PITRM1: variants seen among roughly 807,000 people sequenced by gnomAD.
PITRM1 encodes pitrilysin metallopeptidase 1, also known as presequence protease, mitochondrial.
Under a neutral mutation model 129.9 loss-of-function variants are expected in PITRM1, and 100 were observed. That is an observed-to-expected ratio of 0.77 (90% CI 0.65 to 0.91). The LOEUF is 0.91. Among genes scored for constraint, PITRM1 ranks in the 40% least tolerant of loss-of-function variants. The pLI is 0.00. For synonymous variants in PITRM1, 591 were observed against 508.8 expected (o/e 1.16, Z -2.17); for missense variants, 1,471 against 1,318.3 (o/e 1.12, Z -1.79).
chr10:3,154,700 G>A (rs1037572905), intron 14 of PITRM1, among the ~76,000 whole-genome samples: 3 of 152,004 alleles, frequency 2.0e-5, no homozygotes, highest in East Asian at 3.9e-4. Context: ...TGAATTGTTC[G>A]TTTTTCGTAT....
At position 3,172,675 on chromosome 10, in the gene PITRM1, C is replaced by G. The variant is rs1031693426; in HGVS notation, c.56+42G>C. The G allele has an allele frequency of 1.4e-5, 21 of 1,519,704 alleles. No individual in the cohort carries two copies. The Admixed American group carries it at 4.2e-4, about 31-fold the overall frequency. The allele number at this position is 1,519,704 out of a possible 1,614,324, so 94.1% of individuals were successfully genotyped here. A position where few individuals can be genotyped will look rare whatever the true frequency, so the allele number is the denominator to read the frequency against. ...CGGCCTGCCCTGGACCCTCCCCTCC[C>G]GGGTACCAGCGCGCCGAGCGCCTCC... On this transcript the variant is annotated intron_variant, in intron 1 of 26. Coordinates refer to ENST00000224949, the MANE Select transcript of PITRM1 (RefSeq NM_014889.4).
chr10:3,166,236 G>A lies in PITRM1; in HGVS notation c.411C>T (p.Ala137=). Reference sequence around the variant, plus strand: ...TCAGGATGCTGGTCTTACCTGTGAAGGCGTTCATGAACGTGGAGAGGGACC... The same window carrying A: ...TCAGGATGCTGGTCTTACCTGTGAAAGCGTTCATGAACGTGGAGAGGGACC... ...LNRSLSTFMN[A]FTASDYTLYP... Residue 137 remains alanine (A), a synonymous_variant, in exon 4 of 27, where the codon GCC becomes GCT. Transcript: ENST00000224949. 6.2e-7 allele frequency: 1 copy of A among 1,610,392 alleles called. No individual in the cohort carries two copies. Among genetic ancestry groups the A allele is most frequent in the South Asian group, 1.1e-5 (1 of 90,600 alleles).
intron 20 of PITRM1, chr10:3,146,068 C>G: frequency 4.2e-6 from 1 of 236,482 alleles, no homozygotes; most frequent in Non-Finnish European, 8.4e-6. Context: ...TTTAAAATTA[C>G]TGTCCAGAAG....
Position 3,167,008 on chromosome 10 carries a change from A to C in PITRM1, c.194T>G (p.Val65Gly). ...TCCTGTGTCATCATGGGTGAGCTTCACTGCAGTCAGGAACAGCTCGGGAAC... is the reference window on the plus strand; with the variant it reads ...TCCTGTGTCATCATGGGTGAGCTTCCCTGCAGTCAGGAACAGCTCGGGAAC... ...TSVPELFLTAVKLTHDDTGAR... is the reference protein window; with the variant it reads ...TSVPELFLTAGKLTHDDTGAR... Residue 65 changes from valine to glycine, a missense_variant, in exon 3 of 27, where the codon GTG (valine) becomes GGG (glycine). By Grantham distance (109) the Val-to-Gly change is moderately radical (BLOSUM62 -3). Transcript: ENST00000224949. 6.2e-7 allele frequency: 1 copy of C among 1,610,288 alleles called. No individual in the cohort carries two copies. Among genetic ancestry groups the C allele is most frequent in the Non-Finnish European group, 8.5e-7 (1 of 1,178,112 alleles).
chr10:3,144,000 G>A (rs75424132), intron 22 of PITRM1: 69 of 554,694 alleles, frequency 1.2e-4, no homozygotes, highest in African/African-American at 1.1e-3. Flanking sequence ...AGTTGCCCGG[G>A]AGGAGACCAC....
chr10:3,138,460 C>T (rs886375233), intron 25 of PITRM1, 123 bp from the exon 26 acceptor site: 26 of 713,258 alleles, frequency 3.6e-5, no homozygotes, highest in Non-Finnish European at 5.9e-5. Flanking sequence ...GTTTCAACCA[C>T]AGGGATGTGT....
At chr10:3,172,105 A>G in intron 1 of PITRM1, 1 of 443,788 alleles carries the variant, frequency 2.3e-6, no homozygotes, top group South Asian at 1.6e-5. Context: ...GAAACTCCTG[A>G]GCGGTAAGGC....
intron 14 of PITRM1, among the ~76,000 whole-genome samples, chr10:3,153,421 A>G (rs540522217): frequency 1.2e-4 from 19 of 152,208 alleles, no homozygotes; most frequent in Non-Finnish European, 2.4e-4. Flanking sequence ...AAGGTTAAAA[A>G]ATAGAGCTTA....
In PITRM1 at chr10:3,157,653, G is replaced by A. The variant is rs76888822; in HGVS notation, c.1251-122C>T. 768 of 629,344 alleles carry A rather than the reference G, an allele frequency of 1.2e-3. 7 individuals are homozygous for A. The African/African-American group carries it at 0.013, about 10-fold the overall frequency. 39.0% of individuals were successfully genotyped at this position (629,344 alleles called of 1,614,324 possible). On this transcript the variant is annotated intron_variant, in intron 11 of 26. Transcript: ENST00000224949. ...GGCCAGGCATTTAAGACCAGCTTGG[G>A]CAACACAGAGAAAGCCCATCTCTAC...
intron 7 of PITRM1, among the ~76,000 whole-genome samples, chr10:3,161,051 G>A (rs1487031212): frequency 6.6e-5 from 10 of 152,106 alleles, no homozygotes; most frequent in South Asian, 2.1e-4. Context: ...GTGAGCCACC[G>A]TGCCTGACCG....
chr10:3,172,736 G>C lies in PITRM1; in HGVS notation c.37C>G (p.Leu13Val). Residue 13 changes from leucine to valine, a missense_variant, in exon 1 of 27, where the codon CTG (leucine) becomes GTG (valine). Leu to Val is a conservative substitution (Grantham distance 32, BLOSUM62 1). Transcript: ENST00000224949. ...TCTCACCCGCCGCTCAGCCGCCTCA[G>C]CACACACAGGCCCTGCCGCCCGCCG... ...RCGGRQGLCV[L>V]RRLSGGHAHH... is the part of the protein sequence containing the mutation. The C allele has an allele frequency of 6.5e-7, 1 of 1,545,224 alleles. No individual in the cohort carries two copies. Among genetic ancestry groups the C allele is most frequent in the Non-Finnish European group, 8.7e-7 (1 of 1,145,324 alleles).
chr10:3,141,787 G>A (rs1039124363), intron 23 of PITRM1: 4 of 380,404 alleles, frequency 1.1e-5, no homozygotes, highest in Non-Finnish European at 2.2e-5. Flanking sequence ...ATCAAGGAAG[G>A]AGTGGGCGTG....
intron 16 of PITRM1, 123 bp downstream of exon 16, chr10:3,149,494 CCATA>C: frequency 1.0e-6 from 1 of 953,056 alleles, no homozygotes; most frequent in South Asian, 1.9e-5. Flanking sequence ...ATATTGTACA[CCATA>C]CTTACACACT....
chr10:3,158,788 G>A, intron 10 of PITRM1, 126 bp downstream of exon 10: 1 of 868,586 alleles, frequency 1.2e-6, no homozygotes, highest in Non-Finnish European at 1.8e-6. Flanking sequence ...TCCGATTATA[G>A]CAATCAAAAA....
At position 3,158,136 on chromosome 10, in the gene PITRM1, C is replaced by G. The variant is rs1842128215; in HGVS notation, c.1154G>C (p.Arg385Thr). The change falls in exon 11 of 27, where the codon AGG becomes ACG. Residue 385 changes from arginine to threonine, a missense_variant. Coordinates refer to ENST00000224949, the MANE Select transcript of PITRM1 (RefSeq NM_014889.4). ...GAGGCCGACACTAAAGTAGGCCTCCCTCGTGTAGCCATTATATCTAGAAGA... is the reference window on the plus strand; with the variant it reads ...GAGGCCGACACTAAAGTAGGCCTCCGTCGTGTAGCCATTATATCTAGAAGA... The part of the protein sequence containing the change: ...SPDVGYNGYT[R>T]EAYFSVGLQG... 2 of 1,596,548 alleles carry G rather than the reference C, an allele frequency of 1.3e-6. No individual in the cohort carries two copies. The highest frequency in any genetic ancestry group is 1.7e-5 in the Admixed American group (1 of 59,162).
At chr10:3,139,827 G>T (rs1839998863) in intron 24 of PITRM1, among the ~76,000 whole-genome samples, 1 of 152,182 alleles carries the variant, frequency 6.6e-6, no homozygotes, top group African/African-American at 2.4e-5. Context: ...CGGCCGGCTG[G>T]CTCCTTCTTA....
intron 6 of PITRM1, among the ~76,000 whole-genome samples, chr10:3,164,515 G>A (rs1056678113): frequency 8.5e-5 from 13 of 152,092 alleles, no homozygotes; most frequent in Admixed American, 1.3e-4. Context: ...ATCAGACCTT[G>A]GCGATGACCT....
intron 1 of PITRM1, chr10:3,172,211 C>G (rs902485542): frequency 2.2e-6 from 1 of 457,078 alleles, no homozygotes; most frequent in Non-Finnish European, 4.4e-6. Context: ...CGTGGATTAC[C>G]ATGAACACTA....
intron 22 of PITRM1, 50 bp from the exon 23 acceptor site, chr10:3,143,551 A>G: frequency 7.7e-7 from 1 of 1,291,950 alleles, no homozygotes; most frequent in East Asian, 2.3e-5. Context: ...TGCACCGCCC[A>G]CGGCACTGGG....
Sources: allele counts gnomAD v4.1 joint callset (sites outside exome capture counted in the v4.1 genomes callset), GRCh38; gene constraint gnomAD v4.1.1; transcripts MANE v1.5; gene names NCBI Gene and HGNC (gene_info 2026-07-23, HGNC 2026-07-21).